Variants in HABP4 observed in about 807,000 individuals in gnomAD.
HABP4 encodes the protein hyaluronan binding protein 4.
A neutral mutation model predicts 44.1 loss-of-function variants in HABP4; 32 were observed. That is an observed-to-expected ratio of 0.73 (90% CI 0.55 to 0.97). HABP4 has a LOEUF of 0.97. Among genes scored for constraint, HABP4 ranks in the 50% least tolerant of loss-of-function variants. HABP4 has a pLI of 0.00. For synonymous variants in HABP4, 216 were observed against 218.0 expected, an observed-to-expected ratio of 0.99 and a Z score of 0.08; for missense variants, 503 against 561.9, an observed-to-expected ratio of 0.90 and a Z score of 1.06.
intron 1 of HABP4, among the ~76,000 whole-genome samples, chr9:96,451,154 G>A (rs1004430771): frequency 6.6e-6 from 1 of 152,220 alleles, no homozygotes; most frequent in Non-Finnish European, 1.5e-5. Flanking sequence ...GGCGCGGTCC[G>A]GCCTGGCGCC....
Position 96,488,327 on chromosome 9 carries a change from TG to T in HABP4, c.1185+56del. ...AAAGAAGTTAATAAGGACAGTGCCCTGGGCCCAGGATGGTCTAATTTCAGAG... is the reference window on the plus strand; with the variant it reads ...AAAGAAGTTAATAAGGACAGTGCCCTGGCCCAGGATGGTCTAATTTCAGAG... On this transcript the variant is annotated intron_variant, in intron 7 of 7. Transcript: ENST00000375249. The surrounding 1 kb of genome is among the most constrained non-coding windows in gnomAD (Gnocchi z 4.6). 1 of 1,280,472 alleles carries T rather than the reference TG, an allele frequency of 7.8e-7. No individual in the cohort carries two copies. Among genetic ancestry groups the T allele is most frequent in the Non-Finnish European group, 1.1e-6 (1 of 911,514 alleles). The allele number at this position is 1,280,472 out of a possible 1,614,324, so 79.3% of individuals were successfully genotyped here. A position where few individuals can be genotyped will look rare whatever the true frequency, so the allele number is the denominator to read the frequency against.
chr9:96,488,675 T>C lies in HABP4; in HGVS notation c.1185+401T>C, dbSNP rs1833018962. Reference sequence around the variant, plus strand: ...ATCTCAAGCCCTTTGTGAGGGGACCTTCCTCAACCCCTCCCCGGCTCACCT... The same window carrying C: ...ATCTCAAGCCCTTTGTGAGGGGACCCTCCTCAACCCCTCCCCGGCTCACCT... On this transcript the variant is annotated intron_variant, in intron 7 of 7. Coordinates refer to ENST00000375249, the MANE Select transcript of HABP4 (RefSeq NM_014282.4). This position sits in a 1 kb window ranked among gnomAD's most constrained non-coding sequence, Gnocchi z 4.6. 6.6e-6 allele frequency among the ~76,000 whole-genome samples: 1 copy of C among 152,112 alleles called. No homozygotes were observed. The highest frequency in any genetic ancestry group is 1.5e-5 in the Non-Finnish European group (1 of 68,016).
rs1832662038 is a variant in HABP4, at chr9:96,469,749, C to T, written c.744-1262C>T. On this transcript the variant is annotated intron_variant, in intron 4 of 7. Transcript: ENST00000375249. ...TGTTGGCCAGGGTGGTCTCAATCTC[C>T]TGACCTCGTGATCCTTCTGCCTCGG... Among the ~76,000 whole-genome samples, 3 of 152,256 alleles carry T rather than the reference C, an allele frequency of 2.0e-5. 1 individual carries two copies. Among genetic ancestry groups the T allele is most frequent in the Middle Eastern group, 6.8e-3 (2 of 294 alleles).
chr9:96,461,878 C>T lies in HABP4; in HGVS notation c.512+3337C>T, dbSNP rs181646839. Among the ~76,000 whole-genome samples the T allele has an allele frequency of 2.3e-3, 349 of 152,120 alleles. 1 individual carries two copies. Among genetic ancestry groups the T allele is most frequent in the African/African-American group, 7.8e-3 (323 of 41,526 alleles). ...AAAGTGCTATAAGAAATGCTCTTGG[C>T]GGCACAGTGGCTCATGCCTGTAATC... On this transcript the variant is annotated intron_variant, in intron 2 of 7. Coordinates refer to ENST00000375249, the MANE Select transcript of HABP4 (RefSeq NM_014282.4).
chr9:96,488,964 G>A lies in HABP4; in HGVS notation c.1185+690G>A, dbSNP rs991741678. Among the ~76,000 whole-genome samples the A allele has an allele frequency of 2.6e-5, 4 of 152,186 alleles. No individual in the cohort carries two copies. Among genetic ancestry groups the A allele is most frequent in the African/African-American group, 9.6e-5 (4 of 41,452 alleles). ...CTTTTGCTCATTACCGGTTTACGCA[G>A]TGCCACGCAGTGCCTGGCATGTAGT... is the stretch of plus-strand genomic sequence containing the variant. On this transcript the variant is annotated intron_variant, in intron 7 of 7. Transcript: ENST00000375249. This position sits in a 1 kb window ranked among gnomAD's most constrained non-coding sequence, Gnocchi z 4.6.
chr9:96,462,631 A>G (rs1199371753), intron 2 of HABP4, among the ~76,000 whole-genome samples: 5 of 148,908 alleles, frequency 3.4e-5, no homozygotes, highest in Non-Finnish European at 5.9e-5. Flanking sequence ...AAAAAGAGAG[A>G]GAGTTTACTG....
intron 1 of HABP4, among the ~76,000 whole-genome samples, chr9:96,452,176 G>T (rs1440494741): frequency 2.7e-5 from 4 of 148,252 alleles, no homozygotes; most frequent in Non-Finnish European, 4.4e-5. Flanking sequence ...GCAGTGAGCC[G>T]AGATCGAGCC....
intron 5 of HABP4, among the ~76,000 whole-genome samples, chr9:96,472,529 G>A (rs1832715204): frequency 6.6e-6 from 1 of 152,034 alleles, no homozygotes; most frequent in African/African-American, 2.4e-5. Context: ...CGCCTCCTGG[G>A]CTCCTTCCCT....
Position 96,463,688 on chromosome 9 carries a change from TATAAG to T in HABP4, c.513-1647_513-1643del, listed in dbSNP as rs576468209. Among the ~76,000 whole-genome samples the T allele has an allele frequency of 3.7e-4, 56 of 152,374 alleles. 1 individual carries two copies. The South Asian group carries it at 0.011, about 30-fold the overall frequency. On this transcript the variant is annotated intron_variant, in intron 2 of 7. Coordinates refer to ENST00000375249, the MANE Select transcript of HABP4 (RefSeq NM_014282.4). ...GAGAATTTATTTAAGTTGTGTTTCT[TATAAG>T]AGACTGGCATGACGTTAATGATCAG... is the stretch of plus-strand genomic sequence containing the variant.
At chr9:96,466,445 A>G (rs1437942393) in intron 4 of HABP4, among the ~76,000 whole-genome samples, 2 of 152,154 alleles carry the variant, frequency 1.3e-5, no homozygotes, top group Non-Finnish European at 2.9e-5. Flanking sequence ...TATGTTGCCC[A>G]CACTGGTCTT....
intron 4 of HABP4, among the ~76,000 whole-genome samples, chr9:96,467,621 G>T (rs557733541): frequency 3.3e-5 from 5 of 150,448 alleles, no homozygotes; most frequent in African/African-American, 1.2e-4. Context: ...CACCTCCCAG[G>T]TTCAAGCAAT....
rs577240134 is a variant in HABP4, at chr9:96,469,066, C to A, written c.744-1945C>A. Among the ~76,000 whole-genome samples, 257 of 152,274 alleles carry A rather than the reference C, an allele frequency of 1.7e-3. 1 individual carries two copies. The highest frequency in any genetic ancestry group is 1.9e-3 in the Non-Finnish European group (129 of 68,022). On this transcript the variant is annotated intron_variant, in intron 4 of 7. Transcript: ENST00000375249. The stretch of plus-strand genomic sequence containing the variant: ...AATAACTGGATTTAAGGACAAAGTG[C>A]CTTCAAACTGGTATGACTGAGCCAT...
intron 4 of HABP4, among the ~76,000 whole-genome samples, chr9:96,469,153 T>C (rs944422769): frequency 3.3e-5 from 5 of 152,270 alleles, no homozygotes; most frequent in Admixed American, 6.5e-5. Flanking sequence ...TTTCTATTTA[T>C]CTGTGCTGAA....
intron 5 of HABP4, among the ~76,000 whole-genome samples, chr9:96,474,050 G>C (rs753167321): frequency 6.6e-6 from 1 of 152,184 alleles, no homozygotes; most frequent in Non-Finnish European, 1.5e-5. Context: ...GTTTATATCT[G>C]TGTCCTAGAG....
In HABP4 at chr9:96,488,099, AT is replaced by A. The variant is rs1210744397; in HGVS notation, c.1011del (p.Asp337GlufsTer59). Reference sequence around the variant, plus strand: ...GTAATTGTGTTTCAGATGGTAAAAGATGACTATGAGGACGATTCCCATGTTT... The same window carrying A: ...GTAATTGTGTTTCAGATGGTAAAAGAGACTATGAGGACGATTCCCATGTTT... ...KSKYRDDMVK[D>X]DYEDDSHVFR... On this transcript the variant is annotated frameshift_variant, in exon 7 of 8. Coordinates refer to ENST00000375249, the MANE Select transcript of HABP4 (RefSeq NM_014282.4). LOFTEE classifies it high-confidence loss of function. The surrounding 1 kb of genome is among the most constrained non-coding windows in gnomAD (Gnocchi z 4.6). The A allele has an allele frequency of 2.5e-6, 4 of 1,611,318 alleles. No homozygotes were observed. The highest frequency in any genetic ancestry group is 3.4e-6 in the Non-Finnish European group (4 of 1,177,590).
At position 96,488,369 on chromosome 9, in the gene HABP4, C is replaced by T; in HGVS notation, c.1185+95C>T. ...AATTTCAGAGGGTCATGAGTTTCTG[C>T]AGTCACTTCTTTCTGTAGCTAGTGT... On this transcript the variant is annotated intron_variant, in intron 7 of 7. Coordinates refer to ENST00000375249, the MANE Select transcript of HABP4 (RefSeq NM_014282.4). The surrounding 1 kb of genome is among the most constrained non-coding windows in gnomAD (Gnocchi z 4.6). 1.3e-6 allele frequency: 1 copy of T among 762,792 alleles called. No individual in the cohort carries two copies. The highest frequency in any genetic ancestry group is 2.1e-6 in the Non-Finnish European group (1 of 478,790). 47.3% of individuals were successfully genotyped at this position (762,792 alleles called of 1,614,324 possible).
chr9:96,465,359 G>C lies in HABP4; in HGVS notation c.535G>C (p.Asp179His). ...TAGACCAGGTGATAGGTTTGATCGA[G>C]ACAGACCGTTGAGAGGACGTGGAGG... is the stretch of plus-strand genomic sequence containing the variant. Reference protein sequence around the residue: ...DEKPGDRFDRDRPLRGRGGPR... With the variant: ...DEKPGDRFDRHRPLRGRGGPR... Residue 179 changes from aspartate (D) to histidine (H), a missense_variant, in exon 3 of 8, where the codon GAC becomes CAC. Asp to His is a moderately conservative substitution (Grantham distance 81, BLOSUM62 -1). Around this residue, in one of 3 missense-constraint regions of HABP4, gnomAD observed 290 missense variants for 300.5 expected, o/e 0.97. Transcript: ENST00000375249. The C allele has an allele frequency of 1.2e-6, 2 of 1,610,990 alleles. No individual in the cohort carries two copies. Among genetic ancestry groups the C allele is most frequent in the African/African-American group, 2.7e-5 (2 of 74,928 alleles).
chr9:96,451,477 G>A, intron 1 of HABP4: 2 of 985,008 alleles, frequency 2.0e-6, no homozygotes, highest in Non-Finnish European at 2.4e-6. Flanking sequence ...ATGAGGCAGC[G>A]GTCCCAAGGT....
chr9:96,467,354 G>A (rs889231421), intron 4 of HABP4, among the ~76,000 whole-genome samples: 4 of 152,134 alleles, frequency 2.6e-5, no homozygotes, highest in African/African-American at 9.7e-5. Context: ...TTGAAAAGAA[G>A]AGAAACTTGT....
Sources: gnomAD v4.1 joint callset for allele counts (sites outside exome capture counted in the v4.1 genomes callset) on GRCh38, gnomAD v4.1.1 for gene constraint, gnomAD v4.1.1 regional missense constraint, Gnocchi (gnomAD v3.1) non-coding constraint, MANE v1.5 for transcripts, NCBI Gene and HGNC (gene_info 2026-07-23, HGNC 2026-07-21) for gene names.